The following SUFU variants were observed in gnomAD, a reference collection of about 807,000 sequenced individuals.
SUFU encodes the protein SUFU negative regulator of hedgehog signaling, also known as suppressor of fused homolog.
A neutral mutation model predicts 58.9 loss-of-function variants in SUFU; 7 were observed. That is an observed-to-expected ratio of 0.12 (90% CI 0.07 to 0.22). The LOEUF (loss-of-function observed/expected upper bound fraction) is 0.22, where lower values mean the gene tolerates loss of function less well. SUFU is among the 10% of genes least tolerant of loss of function. The pLI is 1.00. For missense variants in SUFU, 451 were observed against 641.3 expected (o/e 0.70, Z 3.20); for synonymous variants, 232 against 254.8 (o/e 0.91, Z 0.85).
intron 3 of SUFU, among the ~76,000 whole-genome samples, chr10:102,580,411 A>G (rs1380340884): frequency 2.0e-5 from 3 of 152,088 alleles, no homozygotes; most frequent in Non-Finnish European, 4.4e-5. Flanking sequence ...GCCTTGTCTC[A>G]AGACTCTGCT....
Position 102,617,437 on chromosome 10 carries a change from G to T in SUFU, c.1296+9G>T, listed in dbSNP as rs759664715. The T allele has an allele frequency of 1.2e-6, 2 of 1,614,178 alleles. No homozygotes were observed. Among genetic ancestry groups the T allele is most frequent in the Admixed American group, 1.7e-5 (1 of 60,028 alleles). ...ATGGACCCTGGTTACAAGTGAGAAG[G>T]CCCTTTTTCTTCTCCCTCCTTCCTT... is the stretch of plus-strand genomic sequence containing the variant. On this transcript the variant is annotated intron_variant, in intron 10 of 11. Coordinates refer to ENST00000369902, the MANE Select transcript of SUFU (RefSeq NM_016169.4). This position sits in a 1 kb window ranked among gnomAD's most constrained non-coding sequence, Gnocchi z 4.4.
chr10:102,618,931 C>CGTGTGTGTGT (rs59259635), intron 10 of SUFU: 6,735 of 574,328 alleles, frequency 0.012, 163 homozygotes, highest in East Asian at 0.037. Flanking sequence ...CCTCAGGTAG[C>CGTGTGTGTGT]GTGTGTGTGT....
intron 2 of SUFU, among the ~76,000 whole-genome samples, chr10:102,522,249 G>A (rs547621680): frequency 6.6e-6 from 1 of 152,334 alleles, no homozygotes; most frequent in African/African-American, 2.4e-5. Flanking sequence ...GCAGTGAAGA[G>A]TGGTTTAGGT....
At chr10:102,595,787 GC>G (rs764537922) in intron 6 of SUFU, among the ~76,000 whole-genome samples, 1 of 151,774 alleles carries the variant, frequency 6.6e-6, no homozygotes, top group Non-Finnish European at 1.5e-5. Flanking sequence ...TCTCTTTAGA[GC>G]TGGCATATAT....
At chr10:102,506,229 A>AT (rs1195393342) in intron 1 of SUFU, among the ~76,000 whole-genome samples, 6 of 151,166 alleles carry the variant, frequency 4.0e-5, no homozygotes, top group African/African-American at 7.3e-5. Flanking sequence ...ACTAAGGGCA[A>AT]TTTTTTTTTC....
intron 8 of SUFU, among the ~76,000 whole-genome samples, chr10:102,605,179 AG>A (rs2063551805): frequency 6.6e-6 from 1 of 151,558 alleles, no homozygotes; most frequent in African/African-American, 2.4e-5. Context: ...AGCCTCCCAA[AG>A]TGCTGGGATT....
chr10:102,540,684 A>G (rs1270211597), intron 2 of SUFU, among the ~76,000 whole-genome samples: 3 of 150,908 alleles, frequency 2.0e-5, no homozygotes, highest in Non-Finnish European at 2.9e-5. Context: ...AATAAATACT[A>G]TACCCGTGGC....
At chr10:102,621,096 C>T (rs376074438) in intron 10 of SUFU, among the ~76,000 whole-genome samples, 7 of 152,254 alleles carry the variant, frequency 4.6e-5, no homozygotes, top group African/African-American at 1.4e-4. Flanking sequence ...AAGGTGCTGC[C>T]GAGCTCTCCT....
At chr10:102,518,735 T>C (rs768367101) in intron 2 of SUFU, among the ~76,000 whole-genome samples, 10 of 151,886 alleles carry the variant, frequency 6.6e-5, no homozygotes, top group Non-Finnish European at 7.4e-5. Context: ...TTTGTAGAGA[T>C]TGGGTTTTGC....
rs555926814 is a variant in SUFU at position 102,628,873 on chromosome 10, G to A, written c.1366-1193G>A. Among the ~76,000 whole-genome samples, 53 of 152,200 alleles carry A rather than the reference G, an allele frequency of 3.5e-4. No homozygotes were observed. The highest frequency in any genetic ancestry group is 8.3e-4 in the South Asian group (4 of 4,822). On this transcript the variant is annotated intron_variant, in intron 11 of 11. Transcript: ENST00000369902. The surrounding 1 kb of genome is among the most constrained non-coding windows in gnomAD (Gnocchi z 4.5). ...AGCCAAATTAGAAAAGACAGACCCT[G>A]GGCCGGGCGCAGTGACTCATGTCTG...
intron 3 of SUFU, chr10:102,573,011 G>C: frequency 1.7e-6 from 2 of 1,205,684 alleles, no homozygotes; most frequent in East Asian, 4.6e-5. Flanking sequence ...ATAGCATAGT[G>C]GTCAAGCTTG....
At chr10:102,569,941 G>A (rs111860786) in intron 3 of SUFU, among the ~76,000 whole-genome samples, 5 of 152,284 alleles carry the variant, frequency 3.3e-5, no homozygotes, top group African/African-American at 1.2e-4. Flanking sequence ...GAATATGTAG[G>A]GAGTTGAACT....
intron 3 of SUFU, among the ~76,000 whole-genome samples, chr10:102,582,950 G>A (rs1050134495): frequency 6.6e-6 from 1 of 152,176 alleles, no homozygotes; most frequent in Non-Finnish European, 1.5e-5. Context: ...GATACCTTGG[G>A]GAGCAAGAGA....
chr10:102,521,560 A>G (rs1408627711), intron 2 of SUFU, among the ~76,000 whole-genome samples: 1 of 152,140 alleles, frequency 6.6e-6, no homozygotes, highest in Non-Finnish European at 1.5e-5. Flanking sequence ...TGTAGCTGCT[A>G]CTGAGATTTG....
chr10:102,581,503 G>T (rs2063279686), intron 3 of SUFU, among the ~76,000 whole-genome samples: 1 of 152,154 alleles, frequency 6.6e-6, no homozygotes, highest in Non-Finnish European at 1.5e-5. Flanking sequence ...GCCTTCTGTT[G>T]ACTTGAGAAG....
intron 3 of SUFU, among the ~76,000 whole-genome samples, chr10:102,580,314 G>A (rs1175310668): frequency 3.3e-5 from 5 of 152,156 alleles, no homozygotes; most frequent in Non-Finnish European, 7.3e-5. Context: ...CTGTTAAAGG[G>A]GAATTACGCA....
At chr10:102,537,950 A>G (rs1186729973) in intron 2 of SUFU, among the ~76,000 whole-genome samples, 2 of 152,204 alleles carry the variant, frequency 1.3e-5, no homozygotes, top group Non-Finnish European at 2.9e-5. Context: ...TGGCAATTCT[A>G]TGTTTAATTT....
Position 102,593,980 on chromosome 10 carries a change from TC to T in SUFU, c.684-11del, listed in dbSNP as rs1650612996. On this transcript the variant is annotated splice_polypyrimidine_tract_variant and intron_variant, in intron 5 of 11. Transcript: ENST00000369902. The stretch of plus-strand genomic sequence containing the variant: ...CCCTCAGTTACCATTGTATCCCCTT[TC>T]CTTGTCCACAGTGCTGGCGGCCCCT... 1 of 1,614,140 alleles carries T rather than the reference TC, an allele frequency of 6.2e-7. No individual in the cohort carries two copies. The highest frequency in any genetic ancestry group is 1.7e-5 in the Admixed American group (1 of 60,024).
Position 102,628,868 on chromosome 10 carries a change from A to G in SUFU, c.1366-1198A>G, listed in dbSNP as rs2063811134. Among the ~76,000 whole-genome samples the G allele has an allele frequency of 6.6e-6, 1 of 151,882 alleles. No homozygotes were observed. The highest frequency in any genetic ancestry group is 1.5e-5 in the Non-Finnish European group (1 of 67,996). ...GGCCTAGCCAAATTAGAAAAGACAG[A>G]CCCTGGGCCGGGCGCAGTGACTCAT... On this transcript the variant is annotated intron_variant, in intron 11 of 11. Transcript: ENST00000369902. This position sits in a 1 kb window ranked among gnomAD's most constrained non-coding sequence, Gnocchi z 4.5.
Sources: gnomAD v4.1 joint callset for allele counts (sites outside exome capture counted in the v4.1 genomes callset) on GRCh38, gnomAD v4.1.1 for gene constraint, Gnocchi (gnomAD v3.1) non-coding constraint, MANE v1.5 for transcripts, NCBI Gene and HGNC (gene_info 2026-07-23, HGNC 2026-07-21) for gene names.